The following ARHGAP15 variants were observed in gnomAD, a reference collection of about 807,000 sequenced individuals.
ARHGAP15 encodes the protein Rho GTPase activating protein 15.
In ARHGAP15, 51 loss-of-function variants were observed where a neutral mutation model predicts 63.7. The observed-to-expected ratio is 0.80, with a 90% confidence interval of 0.64 to 1.01. The LOEUF is 1.01. Among genes scored for constraint, ARHGAP15 ranks in the 50% least tolerant of loss-of-function variants. The pLI, the probability that ARHGAP15 is intolerant of heterozygous loss-of-function variation, is 0.00. For synonymous variants in ARHGAP15, 191 were observed against 193.8 expected (o/e 0.99, Z 0.12); for missense variants, 560 against 564.6 (o/e 0.99, Z 0.08).
chr2:143,391,378 T>C (rs1400923602), intron 6 of ARHGAP15, among the ~76,000 whole-genome samples: 1 of 152,194 alleles, frequency 6.6e-6, no homozygotes, highest in African/African-American at 2.4e-5. Context: ...TGTTGATTCA[T>C]GTCCATGTGA....
At chr2:143,262,734 T>C (rs938516928) in intron 6 of ARHGAP15, among the ~76,000 whole-genome samples, 16 of 152,012 alleles carry the variant, frequency 1.1e-4, no homozygotes, top group Admixed American at 6.6e-5. Context: ...CCCATGAATA[T>C]AGTAGCTATT....
At chr2:143,581,760 T>C (rs1041873211) in intron 11 of ARHGAP15, among the ~76,000 whole-genome samples, 12 of 152,222 alleles carry the variant, frequency 7.9e-5, no homozygotes, top group African/African-American at 2.7e-4. Context: ...GCACATTCTG[T>C]CGCTATTCTC....
Position 143,428,321 on chromosome 2 carries a change from C to T in ARHGAP15, c.475-7280C>T, listed in dbSNP as rs982097200. 2.0e-5 allele frequency among the ~76,000 whole-genome samples: 3 copies of T among 151,760 alleles called. 1 individual carries two copies. Among genetic ancestry groups the T allele is most frequent in the Admixed American group, 1.3e-4 (2 of 15,202 alleles). Reference sequence around the variant, plus strand: ...AAATGCAGAGGAAAATGTGGAGCAGCGGAAGTGCAGAGTGGGTCAGTGCCA... The same window carrying T: ...AAATGCAGAGGAAAATGTGGAGCAGTGGAAGTGCAGAGTGGGTCAGTGCCA... On this transcript the variant is annotated intron_variant, in intron 6 of 13. Coordinates refer to ENST00000295095, the MANE Select transcript of ARHGAP15 (RefSeq NM_018460.4).
intron 6 of ARHGAP15, among the ~76,000 whole-genome samples, chr2:143,302,752 C>T (rs1682963073): frequency 6.6e-6 from 1 of 151,876 alleles, no homozygotes; most frequent in African/African-American, 2.4e-5. Flanking sequence ...ATAGTCCTGC[C>T]TCACAAAATG....
At chr2:143,691,694 TGAAA>T (rs1683607895) in intron 12 of ARHGAP15, among the ~76,000 whole-genome samples, 1 of 152,214 alleles carries the variant, frequency 6.6e-6, no homozygotes, top group South Asian at 2.1e-4. Flanking sequence ...ATTAATGGAT[TGAAA>T]GTGTTGTATG....
At position 143,370,433 on chromosome 2, in the gene ARHGAP15, G is replaced by A. The variant is rs569505979; in HGVS notation, c.475-65168G>A. Among the ~76,000 whole-genome samples the A allele has an allele frequency of 3.9e-5, 6 of 152,150 alleles. No individual in the cohort carries two copies. The East Asian group carries it at 7.7e-4, about 20-fold the overall frequency. ...TTAGTGGGTGCAGCGCACCAGCATG[G>A]CACATGTATACATATGTAACTAACC... is the stretch of plus-strand genomic sequence containing the variant. On this transcript the variant is annotated intron_variant, in intron 6 of 13. Transcript: ENST00000295095.
In ARHGAP15 at chr2:143,250,614, A is replaced by G. The variant is rs752903199; in HGVS notation, c.474+14A>G. On this transcript the variant is annotated intron_variant, in intron 6 of 13. Coordinates refer to ENST00000295095, the MANE Select transcript of ARHGAP15 (RefSeq NM_018460.4). ...AATGTCTTTCAGGTAAGAATGTTAC[A>G]TATATTCAATTTATTCCTATTCTCT... 5.6e-6 allele frequency: 9 copies of G among 1,599,074 alleles called. No homozygotes were observed. Among genetic ancestry groups the G allele is most frequent in the African/African-American group, 4.0e-5 (3 of 74,492 alleles).
At chr2:143,142,204 C>T (rs537010408) in intron 1 of ARHGAP15, among the ~76,000 whole-genome samples, 15 of 152,156 alleles carry the variant, frequency 9.9e-5, no homozygotes, top group African/African-American at 3.6e-4. Context: ...GGCAGTCTGC[C>T]GATTTTCCAC....
At chr2:143,581,461 C>G (rs1212913907) in intron 11 of ARHGAP15, among the ~76,000 whole-genome samples, 1 of 152,132 alleles carries the variant, frequency 6.6e-6, no homozygotes, top group East Asian at 1.9e-4. Flanking sequence ...GTTATCACCT[C>G]TCTGAAACTG....
At chr2:143,370,260 C>T (rs932296296) in intron 6 of ARHGAP15, among the ~76,000 whole-genome samples, 2 of 151,764 alleles carry the variant, frequency 1.3e-5, no homozygotes, top group African/African-American at 4.8e-5. Flanking sequence ...CAATTACATA[C>T]TTAAGATCCT....
chr2:143,498,656 C>T (rs1208573087), intron 9 of ARHGAP15, among the ~76,000 whole-genome samples: 2 of 152,024 alleles, frequency 1.3e-5, no homozygotes, highest in Admixed American at 6.6e-5. Flanking sequence ...ACCATTCACT[C>T]CCCCTCACCC....
chr2:143,132,222 G>T (rs1039168159), intron 1 of ARHGAP15, among the ~76,000 whole-genome samples: 1 of 152,194 alleles, frequency 6.6e-6, no homozygotes, highest in Non-Finnish European at 1.5e-5. Flanking sequence ...TGAGCTTAGA[G>T]TGTGCAAAAC....
intron 8 of ARHGAP15, among the ~76,000 whole-genome samples, chr2:143,449,303 C>T (rs560258735): frequency 6.6e-6 from 1 of 152,172 alleles, no homozygotes; most frequent in East Asian, 1.9e-4. Flanking sequence ...GGAAATTATC[C>T]ATTAATTCCC....
intron 6 of ARHGAP15, among the ~76,000 whole-genome samples, chr2:143,331,625 A>G (rs72851585): frequency 0.17 from 26,555 of 152,240 alleles, 3,038 homozygotes; most frequent in Non-Finnish European, 0.25. Flanking sequence ...ATATAGACAC[A>G]TCTGCTTTCA....
chr2:143,560,571 C>G (rs1377357604), intron 11 of ARHGAP15, among the ~76,000 whole-genome samples: 1 of 152,206 alleles, frequency 6.6e-6, no homozygotes, highest in African/African-American at 2.4e-5. Flanking sequence ...TTGATTATCT[C>G]TTTATAAAAG....
Position 143,250,522 on chromosome 2 carries a change from C to T in ARHGAP15, c.396C>T (p.His132=), listed in dbSNP as rs745768009. ...TTTTGTGATTACAGAAAACTGGGCACAAACCAGAAAGTGTGGATTTGTGTG... is the reference window on the plus strand; with the variant it reads ...TTTTGTGATTACAGAAAACTGGGCATAAACCAGAAAGTGTGGATTTGTGTG... ...QQALSNMKTG[H]KPESVDLCGA... is the part of the protein sequence containing the mutation. The change falls in exon 6 of 14, where the codon CAC becomes CAT. Residue 132 remains histidine (H), a synonymous_variant. Coordinates refer to ENST00000295095, the MANE Select transcript of ARHGAP15 (RefSeq NM_018460.4). The T allele has an allele frequency of 1.2e-6, 2 of 1,613,038 alleles. No homozygotes were observed. Among genetic ancestry groups the T allele is most frequent in the East Asian group, 2.2e-5 (1 of 44,834 alleles).
At chr2:143,536,233 A>C (rs1227068784) in intron 10 of ARHGAP15, among the ~76,000 whole-genome samples, 2 of 152,186 alleles carry the variant, frequency 1.3e-5, no homozygotes, top group Non-Finnish European at 2.9e-5. Flanking sequence ...TCTAGTAGCC[A>C]CCATTCCATT....
At chr2:143,334,811 G>T (rs1049371666) in intron 6 of ARHGAP15, among the ~76,000 whole-genome samples, 2 of 152,196 alleles carry the variant, frequency 1.3e-5, no homozygotes, top group African/African-American at 4.8e-5. Flanking sequence ...TGCTTCAACA[G>T]CCAGGCGTGG....
At chr2:143,426,982 GT>G (rs1689162499) in intron 6 of ARHGAP15, among the ~76,000 whole-genome samples, 1 of 152,116 alleles carries the variant, frequency 6.6e-6, no homozygotes, top group East Asian at 1.9e-4. Context: ...TCAAGTTGCT[GT>G]TTTTTACTTA....
Sources: allele counts gnomAD v4.1 joint callset (sites outside exome capture counted in the v4.1 genomes callset), GRCh38; gene constraint gnomAD v4.1.1; transcripts MANE v1.5; gene names NCBI Gene and HGNC (gene_info 2026-07-23, HGNC 2026-07-21).